The following NAA16 variants were observed in gnomAD, a reference collection of about 807,000 sequenced individuals.
NAA16 encodes the protein NARG1-like protein.
Under a neutral mutation model 110.3 loss-of-function variants are expected in NAA16, and 97 were observed. That is an observed-to-expected ratio of 0.88 (90% CI 0.75 to 1.04). NAA16 has a LOEUF of 1.04. Ranked by LOEUF, NAA16 falls within the 50% of genes least tolerant of loss-of-function variation. The pLI, the probability that NAA16 is intolerant of heterozygous loss-of-function variation, is 0.00. For missense variants in NAA16, 1,017 were observed against 1,005.1 expected (o/e 1.01, Z -0.16); for synonymous variants, 372 against 330.6 (o/e 1.13, Z -1.36).
chr13:41,348,532 T>C (rs946373843), intron 9 of NAA16, among the ~76,000 whole-genome samples: 1 of 152,196 alleles, frequency 6.6e-6, no homozygotes, highest in African/African-American at 2.4e-5. Flanking sequence ...TTTTTCCATA[T>C]TGATGGGTTC....
chr13:41,319,619 C>T (rs988842271), intron 3 of NAA16, among the ~76,000 whole-genome samples: 4 of 152,004 alleles, frequency 2.6e-5, no homozygotes, highest in East Asian at 1.9e-4. Context: ...TGGGTTTAAG[C>T]GATTCTCCCA....
At position 41,320,753 on chromosome 13, in the gene NAA16, A is replaced by G. The variant is rs1489298847; in HGVS notation, c.331A>G (p.Lys111Glu). The G allele has an allele frequency of 1.9e-6, 3 of 1,613,480 alleles. No individual in the cohort carries two copies. Reference protein sequence around the residue: ...KCYRNALKLDKDNLQILRDLS... With the variant: ...KCYRNALKLDEDNLQILRDLS... The stretch of plus-strand genomic sequence containing the variant: ...TTACCGAAATGCCCTCAAATTAGAT[A>G]AAGATAACCTGCAAATTTTGAGGGA... Residue 111 changes from lysine to glutamate, a missense_variant, in exon 4 of 20, where the codon AAA becomes GAA. By Grantham distance (56) the Lys-to-Glu change is moderately conservative. Transcript: ENST00000379406.
intron 6 of NAA16, among the ~76,000 whole-genome samples, chr13:41,328,491 T>C (rs1399045366): frequency 1.3e-5 from 2 of 152,158 alleles, no homozygotes; most frequent in Non-Finnish European, 2.9e-5. Flanking sequence ...AACAAATTAA[T>C]GTCCTATGTA....
intron 7 of NAA16, among the ~76,000 whole-genome samples, 180 bp downstream of exon 7, chr13:41,329,023 G>A (rs2042166385): frequency 6.6e-6 from 1 of 152,094 alleles, no homozygotes; most frequent in South Asian, 2.1e-4. Context: ...TTAAGTGTAA[G>A]TGATTGCAGA....
chr13:41,374,077 C>G (rs536911238), intron 18 of NAA16, among the ~76,000 whole-genome samples: 3 of 151,452 alleles, frequency 2.0e-5, no homozygotes, highest in Non-Finnish European at 4.4e-5. Flanking sequence ...GGGAAAAAGG[C>G]TGAAAGGAAG....
Position 41,323,047 on chromosome 13 carries a change from T to C in NAA16, c.403-9T>C. The C allele has an allele frequency of 1.2e-6, 2 of 1,612,720 alleles. No homozygotes were observed. Among genetic ancestry groups the C allele is most frequent in the Non-Finnish European group, 1.7e-6 (2 of 1,179,592 alleles). On this transcript the variant is annotated splice_polypyrimidine_tract_variant and intron_variant, in intron 4 of 19. Coordinates refer to ENST00000379406, the MANE Select transcript of NAA16 (RefSeq NM_024561.5). ...GAGAATATTTAGCAAGTTAAAACTT[T>C]TTTTTTAGGAGACAAGATACCAGCT...
At chr13:41,345,204 T>C (rs1334773968) in intron 9 of NAA16, among the ~76,000 whole-genome samples, 2 of 152,232 alleles carry the variant, frequency 1.3e-5, no homozygotes, top group Non-Finnish European at 2.9e-5. Context: ...GGTGTGTATC[T>C]GGGAATGGAA....
intron 6 of NAA16, among the ~76,000 whole-genome samples, chr13:41,326,418 A>G (rs905672680): frequency 2.0e-5 from 3 of 152,226 alleles, no homozygotes; most frequent in Non-Finnish European, 4.4e-5. Flanking sequence ...GTTTAGAACT[A>G]AAGTTCCATA....
Position 41,355,208 on chromosome 13 carries a change from G to T in NAA16, c.1079G>T (p.Ser360Ile). The change falls in exon 10 of 20, where the codon AGC (serine) becomes ATC (isoleucine). Residue 360 changes from serine to isoleucine, a missense_variant. By Grantham distance (142) the Ser-to-Ile change is moderately radical. Coordinates refer to ENST00000379406, the MANE Select transcript of NAA16 (RefSeq NM_024561.5). The stretch of plus-strand genomic sequence containing the variant: ...TCTCTTAAAACGTGTGACTTTTTTA[G>T]CCCATATGGTAAGTTTAAATTAGAT... The part of the protein sequence containing the change: ...EASLKTCDFF[S>I]PYENGEKEPP... 6.3e-7 allele frequency: 1 copy of T among 1,576,754 alleles called. No homozygotes were observed. Among genetic ancestry groups the T allele is most frequent in the South Asian group, 1.2e-5 (1 of 86,224 alleles).
chr13:41,372,556 A>G (rs148752255), intron 16 of NAA16, 176 bp from the exon 17 acceptor site: 3 of 985,390 alleles, frequency 3.0e-6, no homozygotes, highest in East Asian at 1.1e-4. Flanking sequence ...TGATTTTTCA[A>G]GCTTTTCTTT....
At chr13:41,372,179 A>C in intron 15 of NAA16, 24 bp from the exon 16 acceptor site, 1 of 1,485,842 alleles carries the variant, frequency 6.7e-7, no homozygotes, top group Non-Finnish European at 9.1e-7. Flanking sequence ...TTTTTAAATA[A>C]TTTTCCTTTC....
At position 41,316,829 on chromosome 13, in the gene NAA16, T is replaced by G. The variant is rs2041822937; in HGVS notation, c.55-17T>G. ...TATTCATTTGATAAAATAACTTTTG[T>G]TCATATTTCTTTACAGAAATGTTAT... On this transcript the variant is annotated splice_polypyrimidine_tract_variant and intron_variant, in intron 1 of 19. Coordinates refer to ENST00000379406, the MANE Select transcript of NAA16 (RefSeq NM_024561.5). 5.1e-6 allele frequency: 8 copies of G among 1,555,818 alleles called. No homozygotes were observed. Among genetic ancestry groups the G allele is most frequent in the Non-Finnish European group, 7.1e-6 (8 of 1,127,378 alleles).
chr13:41,315,692 AT>A (rs2041790585), intron 1 of NAA16, among the ~76,000 whole-genome samples: 1 of 152,174 alleles, frequency 6.6e-6, no homozygotes, highest in African/African-American at 2.4e-5. Context: ...GCACACACCC[AT>A]GCACTTTGGT....
intron 9 of NAA16, among the ~76,000 whole-genome samples, chr13:41,353,603 A>T (rs1593496736): frequency 2.9e-3 from 2 of 682 alleles, no homozygotes; most frequent in Admixed American, 0.031. Context: ...TGTCTCTTAA[A>T]AAAAAAAAAA....
At chr13:41,360,822 A>G (rs1320808175) in intron 12 of NAA16, among the ~76,000 whole-genome samples, 3 of 152,332 alleles carry the variant, frequency 2.0e-5, no homozygotes, top group South Asian at 4.1e-4. Context: ...TTGCTGATAC[A>G]TGTTGGATAG....
chr13:41,364,861 G>T (rs951056764), intron 13 of NAA16, among the ~76,000 whole-genome samples: 12 of 152,086 alleles, frequency 7.9e-5, no homozygotes, highest in Non-Finnish European at 1.5e-4. Flanking sequence ...TTTAAATCCA[G>T]AGGTTTTTGT....
chr13:41,337,935 G>GGA (rs397725263), intron 9 of NAA16, among the ~76,000 whole-genome samples: 1 of 28,424 alleles, frequency 3.5e-5, no homozygotes, highest in Non-Finnish European at 2.4e-4. Context: ...TACCCAGTTA[G>GGA]AAAAAAACAT....
chr13:41,342,098 C>T (rs1339274715), intron 9 of NAA16, among the ~76,000 whole-genome samples: 1 of 150,536 alleles, frequency 6.6e-6, no homozygotes, highest in Admixed American at 6.6e-5. Context: ...TCCCAAAGTG[C>T]AGGGATTACA....
intron 9 of NAA16, among the ~76,000 whole-genome samples, chr13:41,346,488 C>G (rs754413123): frequency 2.9e-4 from 44 of 152,174 alleles, no homozygotes; most frequent in Admixed American, 5.9e-4. Context: ...CATGCTGGGC[C>G]ACTTGGGGAA....
Sources: gnomAD v4.1 joint callset for allele counts (sites outside exome capture counted in the v4.1 genomes callset) on GRCh38, gnomAD v4.1.1 for gene constraint, MANE v1.5 for transcripts, NCBI Gene and HGNC (gene_info 2026-07-23, HGNC 2026-07-21) for gene names.